The following TUSC3 variants were observed in gnomAD, a reference collection of about 807,000 sequenced individuals.
TUSC3 encodes tumor suppressor candidate 3.
A neutral mutation model predicts 44.8 loss-of-function variants in TUSC3; 45 were observed. The observed-to-expected ratio is 1.00, with a 90% CI of 0.79 to 1.29. The LOEUF is 1.29. Among genes scored for constraint, TUSC3 ranks in the 50% most tolerant of loss-of-function variants. The pLI is 0.00. For missense variants in TUSC3, 519 were observed against 437.9 expected (o/e 1.19, Z -1.65); for synonymous variants, 212 against 152.9 (o/e 1.39, Z -2.85).
At chr8:15,577,432 T>G (rs1413634446) in intron 1 of TUSC3, among the ~76,000 whole-genome samples, 1 of 151,728 alleles carries the variant, frequency 6.6e-6, no homozygotes, top group Non-Finnish European at 1.5e-5. Context: ...TCTTCTAGGG[T>G]TTTTATGGTT....
chr8:15,692,510 T>C, intron 6 of TUSC3, among the ~76,000 whole-genome samples: 1 of 151,658 alleles, frequency 6.6e-6, no homozygotes. Flanking sequence ...TTTTATTACT[T>C]ATTCAATTTC....
chr8:15,517,784 C>T (rs1051439268), intron 2 of TUSC3, among the ~76,000 whole-genome samples: 2 of 151,912 alleles, frequency 1.3e-5, no homozygotes, highest in Non-Finnish European at 2.9e-5. Context: ...AAGAAATTTG[C>T]AAGTTTCTAC....
At chr8:15,845,391 G>C in the TUSC3 span, among the ~76,000 whole-genome samples, 1 of 152,114 alleles carries the variant, frequency 6.6e-6, no homozygotes, top group Non-Finnish European at 1.5e-5. Context: ...CCCTAGAATT[G>C]TATGAAAATT....
At chr8:15,641,338 C>T (rs569223581) in intron 2 of TUSC3, among the ~76,000 whole-genome samples, 5 of 129,698 alleles carry the variant, frequency 3.9e-5, no homozygotes, top group Admixed American at 2.8e-4. Context: ...TCCGGCCTGG[C>T]GACAGAGAGA....
In TUSC3 at chr8:15,623,216, C is replaced by T. The variant is rs1445387323; in HGVS notation, c.275C>T (p.Ala92Val). 2.5e-6 allele frequency: 4 copies of T among 1,610,852 alleles called. No individual in the cohort carries two copies. The highest frequency in any genetic ancestry group is 2.7e-5 in the African/African-American group (2 of 74,862). Residue 92 changes from alanine (A) to valine (V), a missense_variant, in exon 2 of 11, where the codon GCT becomes GTT. Ala to Val is a moderately conservative substitution (Grantham distance 64). Coordinates refer to ENST00000503731, the MANE Select transcript of TUSC3 (RefSeq NM_006765.4). The part of the protein sequence containing the change: ...RNYSMIVMFT[A>V]LQPQRQCSVC... ...TATTCCATGATTGTTATGTTCACTG[C>T]TCTTCAGCCTCAGCGGCAGTGTTCT...
At position 15,429,912 on chromosome 8, in the gene TUSC3, C is replaced by T. The variant is rs181303339; in HGVS notation, n.91+12607C>T. ...TGGATAAATTCCTGGACACATACACCGTCCCAAGACTAAACCAGGAAGAAG... is the reference window on the plus strand; with the variant it reads ...TGGATAAATTCCTGGACACATACACTGTCCCAAGACTAAACCAGGAAGAAG... On this transcript the variant is annotated intron_variant and non_coding_transcript_variant, in intron 1 of 5. Transcript: ENST00000503191. Among the ~76,000 whole-genome samples, 91 of 151,618 alleles carry T rather than the reference C, an allele frequency of 6.0e-4. 1 individual carries two copies. The highest frequency in any genetic ancestry group is 1.9e-3 in the Admixed American group (29 of 15,242).
intron 1 of TUSC3, among the ~76,000 whole-genome samples, chr8:15,449,786 A>G (rs1008159438): frequency 2.6e-5 from 4 of 152,180 alleles, no homozygotes; most frequent in African/African-American, 9.7e-5. Flanking sequence ...TCAGTCCTGC[A>G]AATTCCATTC....
chr8:15,503,189 CATGACAG>C (rs1800992361), intron 2 of TUSC3, among the ~76,000 whole-genome samples: 1 of 152,150 alleles, frequency 6.6e-6, no homozygotes, highest in African/African-American at 2.4e-5. Flanking sequence ...CTTAATCTAA[CATGACAG>C]ATGTGGACAC....
chr8:15,455,579 T>C (rs572033766), intron 1 of TUSC3, among the ~76,000 whole-genome samples: 1 of 152,322 alleles, frequency 6.6e-6, no homozygotes, highest in African/African-American at 2.4e-5. Flanking sequence ...TATACTTTTT[T>C]TTAACTATTT....
chr8:15,645,238 C>T (rs1304517313), intron 2 of TUSC3, among the ~76,000 whole-genome samples: 1 of 152,102 alleles, frequency 6.6e-6, no homozygotes, highest in Non-Finnish European at 1.5e-5. Flanking sequence ...AAGCTGGGTC[C>T]TATTTATGTT....
chr8:15,629,453 C>G (rs1398992363), intron 2 of TUSC3, among the ~76,000 whole-genome samples: 1 of 151,160 alleles, frequency 6.6e-6, no homozygotes, highest in African/African-American at 2.4e-5. Context: ...AAATATTTTT[C>G]AAGAAAAATT....
chr8:15,660,035 C>G (rs772076338), intron 4 of TUSC3, among the ~76,000 whole-genome samples: 1 of 152,036 alleles, frequency 6.6e-6, no homozygotes, highest in Admixed American at 6.6e-5. Context: ...GGAAAAATGT[C>G]TACTCAGATT....
intron 5 of TUSC3, among the ~76,000 whole-genome samples, chr8:15,671,548 G>T (rs938054079): frequency 6.6e-6 from 1 of 151,980 alleles, no homozygotes; most frequent in Non-Finnish European, 1.5e-5. Flanking sequence ...AAATACATTT[G>T]CCACTACTTC....
At chr8:15,744,444 G>A (rs1040629696) in intron 8 of TUSC3, among the ~76,000 whole-genome samples, 2 of 151,752 alleles carry the variant, frequency 1.3e-5, no homozygotes, top group Non-Finnish European at 2.9e-5. Flanking sequence ...TTCTTTCTTT[G>A]CATTTCTGAA....
intron 1 of TUSC3, among the ~76,000 whole-genome samples, chr8:15,465,525 G>C (rs1800403020): frequency 1.3e-5 from 2 of 152,236 alleles, no homozygotes; most frequent in South Asian, 4.1e-4. Flanking sequence ...ATTGATTTGA[G>C]ATGTTAAAAT....
At chr8:15,456,913 AT>A (rs1800263946) in intron 1 of TUSC3, among the ~76,000 whole-genome samples, 1 of 152,334 alleles carries the variant, frequency 6.6e-6, no homozygotes, top group South Asian at 2.1e-4. Context: ...GAATAAAAAA[AT>A]ATTAAGAACA....
chr8:15,464,894 G>T (rs1205016624), intron 1 of TUSC3, among the ~76,000 whole-genome samples: 1 of 152,074 alleles, frequency 6.6e-6, no homozygotes, highest in Non-Finnish European at 1.5e-5. Flanking sequence ...CTGTCTCCCA[G>T]GCTGGAGTGC....
intron 3 of TUSC3, among the ~76,000 whole-genome samples, chr8:15,658,532 G>C (rs146655856): frequency 1.0e-3 from 156 of 151,794 alleles, no homozygotes; most frequent in African/African-American, 3.6e-3. Flanking sequence ...ATACTGAACT[G>C]TACTGCAAGT....
At chr8:15,750,083 C>G (rs1449080511) in intron 9 of TUSC3, among the ~76,000 whole-genome samples, 2 of 150,902 alleles carry the variant, frequency 1.3e-5, no homozygotes, top group African/African-American at 2.4e-5. Flanking sequence ...AGGTTCACTC[C>G]ATTCTCCTGC....
Sources: allele counts gnomAD v4.1 joint callset (sites outside exome capture counted in the v4.1 genomes callset), GRCh38; gene constraint gnomAD v4.1.1; transcripts MANE v1.5; gene names NCBI Gene and HGNC (gene_info 2026-07-23, HGNC 2026-07-21).